The following OPCML variants were observed in gnomAD, a reference collection of about 807,000 sequenced individuals.
The protein encoded by OPCML is opioid-binding protein/cell adhesion molecule.
OPCML carries 13 observed loss-of-function variants against 37.8 expected under a neutral mutation model. The observed-to-expected ratio is 0.34, with a 90% CI of 0.22 to 0.55. OPCML has a LOEUF of 0.55. Ranked by LOEUF, OPCML falls within the 20% of genes least tolerant of loss-of-function variation. The pLI is 0.91. For missense variants in OPCML, 341 were observed against 435.6 expected (o/e 0.78, Z 1.93); for synonymous variants, 176 against 168.8 (o/e 1.04, Z -0.33).
intron 1 of OPCML, among the ~76,000 whole-genome samples, chr11:133,213,807 T>A (rs1326606010): frequency 6.6e-6 from 1 of 152,210 alleles, no homozygotes; most frequent in Non-Finnish European, 1.5e-5. Flanking sequence ...TGTTTATTGA[T>A]CTTATAAAAT....
At chr11:132,791,166 G>A (rs932818069) in intron 2 of OPCML, among the ~76,000 whole-genome samples, 1 of 152,150 alleles carries the variant, frequency 6.6e-6, no homozygotes, top group Non-Finnish European at 1.5e-5. Flanking sequence ...CAGGAAAAGC[G>A]GAGCTCAGCT....
intron 3 of OPCML, among the ~76,000 whole-genome samples, chr11:132,551,485 C>T (rs1384783961): frequency 1.3e-5 from 2 of 152,164 alleles, no homozygotes; most frequent in Non-Finnish European, 2.9e-5. Flanking sequence ...AAATTAGCCA[C>T]AAGATTAGAA....
intron 1 of OPCML, among the ~76,000 whole-genome samples, chr11:133,046,791 TAAC>T (rs894545133): frequency 1.3e-5 from 2 of 152,150 alleles, no homozygotes; most frequent in Admixed American, 6.5e-5. Flanking sequence ...AAAATCTACT[TAAC>T]AGCAGTCTCC....
chr11:132,562,381 G>A (rs570439096), intron 3 of OPCML, among the ~76,000 whole-genome samples: 58 of 152,016 alleles, frequency 3.8e-4, no homozygotes, highest in African/African-American at 8.2e-4. Flanking sequence ...CAGAGGAGTC[G>A]TTTGTTGGCA....
chr11:133,167,659 G>T (rs1950229122), intron 1 of OPCML, among the ~76,000 whole-genome samples: 1 of 151,918 alleles, frequency 6.6e-6, no homozygotes, highest in Non-Finnish European at 1.5e-5. Context: ...TCTCCAGGGT[G>T]ATTCGTCCAC....
intron 1 of OPCML, among the ~76,000 whole-genome samples, chr11:133,523,266 G>A (rs1318543018): frequency 2.0e-5 from 3 of 152,030 alleles, no homozygotes; most frequent in Non-Finnish European, 4.4e-5. Flanking sequence ...TCCAGGACAA[G>A]ATCACACCTA....
chr11:133,197,057 C>A (rs184950893), intron 1 of OPCML, among the ~76,000 whole-genome samples: 61 of 152,294 alleles, frequency 4.0e-4, no homozygotes, highest in African/African-American at 1.1e-3. Context: ...AGTACACTCT[C>A]AGAAATGTGC....
At chr11:133,309,401 T>C (rs1175488402) in intron 1 of OPCML, among the ~76,000 whole-genome samples, 3 of 152,190 alleles carry the variant, frequency 2.0e-5, no homozygotes, top group African/African-American at 7.2e-5. Context: ...TGTGGAATAT[T>C]GTACAAAGCA....
Position 133,269,507 on chromosome 11 carries a change from G to A in OPCML, c.61+262757C>T, listed in dbSNP as rs141492870. On this transcript the variant is annotated intron_variant, in intron 1 of 7. Coordinates refer to ENST00000524381, the MANE Select transcript of OPCML (RefSeq NM_001012393.5). Reference sequence around the variant, plus strand: ...AGTAGGCAGCCCAGATTTTCACATTGACATAGACTGAACTTTATTACTCAT... The same window carrying A: ...AGTAGGCAGCCCAGATTTTCACATTAACATAGACTGAACTTTATTACTCAT... Among the ~76,000 whole-genome samples, 224 of 152,268 alleles carry A rather than the reference G, an allele frequency of 1.5e-3. 5 individuals carry two copies. Among genetic ancestry groups the A allele is most frequent in the Middle Eastern group, 0.01 (3 of 294 alleles).
At chr11:133,469,748 A>AGTGCTCC (rs1279267306) in intron 1 of OPCML, among the ~76,000 whole-genome samples, 1 of 152,118 alleles carries the variant, frequency 6.6e-6, no homozygotes, top group East Asian at 1.9e-4. Context: ...GTTCTCCTCA[A>AGTGCTCC]GTGCTCCTCC....
intron 1 of OPCML, among the ~76,000 whole-genome samples, chr11:133,473,562 A>G (rs1947162795): frequency 1.3e-5 from 2 of 152,208 alleles, no homozygotes; most frequent in African/African-American, 4.8e-5. Flanking sequence ...AGCACCCCAC[A>G]GAGAACAAAG....
intron 2 of OPCML, among the ~76,000 whole-genome samples, chr11:132,921,507 G>T (rs931807698): frequency 1.3e-5 from 2 of 152,164 alleles, no homozygotes; most frequent in African/African-American, 4.8e-5. Context: ...CAGCCCAACT[G>T]CAATTTCTCA....
chr11:132,518,964 A>G (rs2096286223), intron 4 of OPCML, among the ~76,000 whole-genome samples: 1 of 152,162 alleles, frequency 6.6e-6, no homozygotes, highest in Non-Finnish European at 1.5e-5. Flanking sequence ...TGGGTTTTTC[A>G]CTAGATATGA....
intron 2 of OPCML, among the ~76,000 whole-genome samples, chr11:132,929,151 C>T (rs909016016): frequency 2.7e-5 from 4 of 150,892 alleles, no homozygotes; most frequent in African/African-American, 9.7e-5. Flanking sequence ...AGAAAAAAAT[C>T]AACAAAATAA....
rs1387186135 is a variant in OPCML at position 133,173,923 on chromosome 11, G to A, written c.62-230913C>T. ...ATTGGACCGGGGCCGGCCGGCACTGGAGCAGCCCTCTCCCTCCATCCATTC... is the reference window on the plus strand; with the variant it reads ...ATTGGACCGGGGCCGGCCGGCACTGAAGCAGCCCTCTCCCTCCATCCATTC... On this transcript the variant is annotated intron_variant, in intron 1 of 7. Coordinates refer to ENST00000524381, the MANE Select transcript of OPCML (RefSeq NM_001012393.5). This position sits in a 1 kb window ranked among gnomAD's most constrained non-coding sequence, Gnocchi z 7.8. Among the ~76,000 whole-genome samples, 1 of 152,142 alleles carries A rather than the reference G, an allele frequency of 6.6e-6. No homozygotes were observed. The highest frequency in any genetic ancestry group is 6.5e-5 in the Admixed American group (1 of 15,282).
At chr11:132,947,670 A>G (rs1351483712) in intron 1 of OPCML, among the ~76,000 whole-genome samples, 1 of 152,222 alleles carries the variant, frequency 6.6e-6, no homozygotes, top group East Asian at 1.9e-4. Flanking sequence ...GAGGTTCACA[A>G]TGAACAAGGA....
chr11:132,441,869 G>A (rs2096036871), intron 4 of OPCML, among the ~76,000 whole-genome samples: 1 of 152,218 alleles, frequency 6.6e-6, no homozygotes, highest in African/African-American at 2.4e-5. Context: ...GGGTTCTGTG[G>A]ATCTAAGGGG....
In OPCML at chr11:133,458,598, T is replaced by TGTGTGTACACATATATACAC. The variant is rs1565645607; in HGVS notation, c.61+73665_61+73666insGTGTATATATGTGTACACAC. On this transcript the variant is annotated intron_variant, in intron 1 of 7. Coordinates refer to ENST00000524381, the MANE Select transcript of OPCML (RefSeq NM_001012393.5). ...ACGTGTGTGTACACATATATACACGTGTGTGTGTGTATACACATATATACA... is the reference window on the plus strand; with the variant it reads ...ACGTGTGTGTACACATATATACACGTGTGTGTACACATATATACACGTGTGTGTGTATACACATATATACA... 7.3e-5 allele frequency among the ~76,000 whole-genome samples: 7 copies of TGTGTGTACACATATATACAC among 96,446 alleles called. 1 individual carries two copies. The highest frequency in any genetic ancestry group is 3.6e-4 in the Admixed American group (4 of 11,064). 63.3% of individuals were successfully genotyped at this position (96,446 alleles called of 152,430 possible).
intron 1 of OPCML, among the ~76,000 whole-genome samples, chr11:133,133,645 C>A (rs1451985149): frequency 3.3e-5 from 5 of 152,142 alleles, no homozygotes; most frequent in African/African-American, 1.2e-4. Flanking sequence ...ACTACAGAAT[C>A]CACCCTCCCT....
Sources: gnomAD v4.1 joint callset for allele counts (sites outside exome capture counted in the v4.1 genomes callset) on GRCh38, gnomAD v4.1.1 for gene constraint, Gnocchi (gnomAD v3.1) non-coding constraint, MANE v1.5 for transcripts, NCBI Gene and HGNC (gene_info 2026-07-23, HGNC 2026-07-21) for gene names.